Variants in NOL4 observed in about 807,000 individuals in gnomAD.
NOL4 encodes nucleolar protein 4, also known as cancer/testis antigen 125.
In NOL4, 17 loss-of-function variants were observed where a neutral mutation model predicts 75.9. The observed-to-expected ratio is 0.22, with a 90% CI of 0.15 to 0.34. NOL4 has a LOEUF of 0.34. NOL4 is among the 10% of genes least tolerant of loss of function. The probability of loss-of-function intolerance (pLI) is 1.00; values close to 1 mark genes in which losing one functional copy is unlikely to be tolerated. For missense variants in NOL4, 614 were observed against 793.5 expected (o/e 0.77, Z 2.72); for synonymous variants, 292 against 289.9 (o/e 1.01, Z -0.07).
chr18:34,198,938 C>G (rs1316184911), intron 1 of NOL4, among the ~76,000 whole-genome samples: 1 of 151,796 alleles, frequency 6.6e-6, no homozygotes, highest in African/African-American at 2.4e-5. Flanking sequence ...GTGTATCATT[C>G]CAAAGATATT....
chr18:33,912,451 T>C (rs964125578), intron 9 of NOL4, among the ~76,000 whole-genome samples: 1 of 152,106 alleles, frequency 6.6e-6, no homozygotes, highest in African/African-American at 2.4e-5. Context: ...TATTTGTATC[T>C]TTTAATTTCA....
At chr18:33,943,770 T>C (rs978955978) in intron 8 of NOL4, among the ~76,000 whole-genome samples, 3 of 151,950 alleles carry the variant, frequency 2.0e-5, no homozygotes, top group African/African-American at 4.8e-5. Flanking sequence ...ATGTGAGATA[T>C]GTTTGCCTAT....
intron 9 of NOL4, among the ~76,000 whole-genome samples, chr18:33,898,057 A>G (rs1331682776): frequency 2.6e-5 from 4 of 152,030 alleles, no homozygotes; most frequent in African/African-American, 7.2e-5. Context: ...ACAGGTGGGC[A>G]TCACCATACC....
chr18:34,009,857 T>C (rs2074270104), intron 6 of NOL4, among the ~76,000 whole-genome samples: 1 of 151,926 alleles, frequency 6.6e-6, no homozygotes. Flanking sequence ...ACAATTTCTT[T>C]GAATCTTGGT....
chr18:33,903,831 A>G (rs764266274), intron 9 of NOL4, among the ~76,000 whole-genome samples: 1 of 152,114 alleles, frequency 6.6e-6, no homozygotes. Flanking sequence ...CAATCCCACT[A>G]GGCCAATCCA....
At chr18:33,912,765 C>A (rs1430411436) in intron 9 of NOL4, among the ~76,000 whole-genome samples, 1 of 151,986 alleles carries the variant, frequency 6.6e-6, no homozygotes, top group Non-Finnish European at 1.5e-5. Flanking sequence ...TTCATGTGAC[C>A]TAAGATGACA....
At chr18:34,057,038 GC>G (rs2076861044) in intron 5 of NOL4, among the ~76,000 whole-genome samples, 1 of 152,142 alleles carries the variant, frequency 6.6e-6, no homozygotes, top group Non-Finnish European at 1.5e-5. Context: ...TTCTTCTCTA[GC>G]TTCAGGCATA....
intron 5 of NOL4, among the ~76,000 whole-genome samples, chr18:34,073,379 G>C (rs1218495483): frequency 6.6e-6 from 1 of 151,742 alleles, no homozygotes; most frequent in African/African-American, 2.4e-5. Context: ...TACTCCCATG[G>C]ATATCCCAAA....
chr18:33,960,003 T>A (rs1488033539), intron 6 of NOL4, among the ~76,000 whole-genome samples: 1 of 151,940 alleles, frequency 6.6e-6, no homozygotes, highest in Non-Finnish European at 1.5e-5. Context: ...AAAATATGCA[T>A]TGGTTTATGT....
chr18:33,863,488 A>G (rs1381671246), intron 10 of NOL4, among the ~76,000 whole-genome samples: 1 of 152,222 alleles, frequency 6.6e-6, no homozygotes, highest in South Asian at 2.1e-4. Flanking sequence ...CTTTCATTCC[A>G]AATGGGAGAA....
At chr18:33,875,441 T>G (rs999892961) in intron 10 of NOL4, among the ~76,000 whole-genome samples, 9 of 152,070 alleles carry the variant, frequency 5.9e-5, no homozygotes, top group Non-Finnish European at 1.0e-4. Flanking sequence ...TGGCTAATGA[T>G]GGATTTGAAG....
At chr18:33,918,369 T>G (rs1386786906) in intron 9 of NOL4, among the ~76,000 whole-genome samples, 2 of 152,222 alleles carry the variant, frequency 1.3e-5, no homozygotes, top group African/African-American at 4.8e-5. Flanking sequence ...GAACTTACAT[T>G]CATACACTCA....
chr18:34,178,043 A>G (rs536490300), intron 1 of NOL4, among the ~76,000 whole-genome samples: 7 of 151,974 alleles, frequency 4.6e-5, no homozygotes, highest in African/African-American at 1.7e-4. Context: ...GCATAATTCA[A>G]TCATTATAAC....
At chr18:34,151,875 A>G (rs2081655483) in intron 1 of NOL4, among the ~76,000 whole-genome samples, 1 of 151,768 alleles carries the variant, frequency 6.6e-6, no homozygotes, top group South Asian at 2.1e-4. Flanking sequence ...TGAGAGGGGG[A>G]AAAGGATATA....
At chr18:33,921,222 G>T (rs2067017764) in intron 9 of NOL4, among the ~76,000 whole-genome samples, 1 of 152,158 alleles carries the variant, frequency 6.6e-6, no homozygotes, top group Non-Finnish European at 1.5e-5. Context: ...ACTCACACTG[G>T]ATTGAGATGA....
intron 9 of NOL4, among the ~76,000 whole-genome samples, chr18:33,915,625 G>A (rs1040093576): frequency 2.0e-5 from 3 of 152,056 alleles, no homozygotes; most frequent in Admixed American, 6.6e-5. Flanking sequence ...TGGAGAAGGC[G>A]AGATATATGG....
At chr18:34,048,496 T>G (rs2076482781) in intron 5 of NOL4, 1 of 985,358 alleles carries the variant, frequency 1.0e-6, no homozygotes, top group Non-Finnish European at 1.2e-6. Context: ...ATTCTATCAT[T>G]GCAGATCCAG....
At chr18:34,161,843 T>C (rs148185644) in intron 1 of NOL4, among the ~76,000 whole-genome samples, 1 of 152,328 alleles carries the variant, frequency 6.6e-6, no homozygotes, top group East Asian at 1.9e-4. Context: ...TTCTGGTGTC[T>C]TTGCACTGAA....
intron 6 of NOL4, among the ~76,000 whole-genome samples, chr18:34,002,253 T>A (rs1308276664): frequency 6.6e-6 from 1 of 151,950 alleles, no homozygotes; most frequent in Non-Finnish European, 1.5e-5. Flanking sequence ...TTCAGACTCA[T>A]TTTTTTCCAG....
Sources: allele counts gnomAD v4.1 joint callset (sites outside exome capture counted in the v4.1 genomes callset), GRCh38; gene constraint gnomAD v4.1.1; transcripts MANE v1.5; gene names NCBI Gene and HGNC (gene_info 2026-07-23, HGNC 2026-07-21).